REDIC1: variants seen among roughly 807,000 people sequenced by gnomAD.
The protein encoded by REDIC1 is HEI10 Interacting Protein 1.
At chr12:39,730,604 TTC>T in the REDIC1 span, among the ~76,000 whole-genome samples, 2 of 152,224 alleles carry the variant, frequency 1.3e-5, no homozygotes, top group Non-Finnish European at 2.9e-5. Context: ...TTTCCTTTAT[TTC>T]AACTTTGGTG....
chr12:39,877,284 A>C, the REDIC1 span, among the ~76,000 whole-genome samples: 7 of 152,186 alleles, frequency 4.6e-5, no homozygotes, highest in African/African-American at 7.2e-5. Context: ...AAAGGAGAGC[A>C]AAGGTATGTC....
chr12:39,693,358 A>T, the REDIC1 span, among the ~76,000 whole-genome samples: 1 of 151,552 alleles, frequency 6.6e-6, no homozygotes, highest in Admixed American at 6.6e-5. Context: ...AATATGTAAA[A>T]TACTAGTCTG....
the REDIC1 span, among the ~76,000 whole-genome samples, chr12:39,824,950 G>A: frequency 2.6e-5 from 4 of 152,178 alleles, no homozygotes; most frequent in African/African-American, 9.6e-5. Context: ...ATAGATATTA[G>A]GGTAATGACA....
At chr12:39,814,977 CT>C in the REDIC1 span, among the ~76,000 whole-genome samples, 68 of 146,444 alleles carry the variant, frequency 4.6e-4, no homozygotes, top group East Asian at 6.0e-4. Flanking sequence ...TCTTCTTACA[CT>C]TTTTTTTTTT....
the REDIC1 span, among the ~76,000 whole-genome samples, chr12:39,694,037 C>T: frequency 6.6e-6 from 1 of 152,194 alleles, no homozygotes; most frequent in Non-Finnish European, 1.5e-5. Flanking sequence ...GCGCTTCGCT[C>T]TGTGTGAAGT....
chr12:39,713,715 GC>G, the REDIC1 span, among the ~76,000 whole-genome samples: 1 of 145,260 alleles, frequency 6.9e-6, no homozygotes, highest in African/African-American at 2.7e-5. Context: ...ATTTATGTAT[GC>G]CTGTATACAT....
chr12:39,752,569 GAA>G, the REDIC1 span, among the ~76,000 whole-genome samples: 3 of 152,124 alleles, frequency 2.0e-5, no homozygotes, highest in Non-Finnish European at 4.4e-5. Flanking sequence ...TGAAGAAAAT[GAA>G]AGAGTGACTT....
chr12:39,869,876 T>G, the REDIC1 span, among the ~76,000 whole-genome samples: 67 of 152,342 alleles, frequency 4.4e-4, 1 homozygote, highest in South Asian at 0.013. Context: ...CCCTTTACTC[T>G]CTGTGTCAGG....
At chr12:39,748,189 C>T in the REDIC1 span, among the ~76,000 whole-genome samples, 7 of 152,104 alleles carry the variant, frequency 4.6e-5, no homozygotes, top group Admixed American at 1.3e-4. Context: ...ATCTCACATT[C>T]AGAGACACAC....
chr12:39,863,796 T>A, the REDIC1 span, among the ~76,000 whole-genome samples: 1 of 152,180 alleles, frequency 6.6e-6, no homozygotes, highest in African/African-American at 2.4e-5. Context: ...AACCAATATA[T>A]CTTCCTCACT....
chr12:39,677,051 T>C, the REDIC1 span, among the ~76,000 whole-genome samples: 7 of 149,514 alleles, frequency 4.7e-5, no homozygotes, highest in Non-Finnish European at 7.4e-5. Flanking sequence ...CACCAAGATA[T>C]CCAGGCAACA....
the REDIC1 span, among the ~76,000 whole-genome samples, chr12:39,836,197 G>A: frequency 6.6e-6 from 1 of 152,032 alleles, no homozygotes; most frequent in African/African-American, 2.4e-5. Context: ...TTTCTCAATT[G>A]TAGACACCTT....
At chr12:39,785,061 G>A in the REDIC1 span, among the ~76,000 whole-genome samples, 2 of 152,202 alleles carry the variant, frequency 1.3e-5, no homozygotes, top group Non-Finnish European at 2.9e-5. Flanking sequence ...ATTTTCTGGG[G>A]AGAAATTCAA....
At chr12:39,668,825 G>A in the REDIC1 span, among the ~76,000 whole-genome samples, 21 of 151,740 alleles carry the variant, frequency 1.4e-4, no homozygotes, top group Middle Eastern at 3.4e-3. Flanking sequence ...CACCAACACC[G>A]TTTTTTCCAG....
the REDIC1 span, among the ~76,000 whole-genome samples, chr12:39,837,936 T>C: frequency 6.6e-6 from 1 of 151,146 alleles, no homozygotes; most frequent in African/African-American, 2.4e-5. Flanking sequence ...AGTGTGGCGA[T>C]TCCTCAGGGA....
chr12:39,854,880 T>C, the REDIC1 span, among the ~76,000 whole-genome samples: 1 of 152,192 alleles, frequency 6.6e-6, no homozygotes, highest in Non-Finnish European at 1.5e-5. Context: ...TCCATTTTCA[T>C]TGGTCTGAGA....
the REDIC1 span, among the ~76,000 whole-genome samples, chr12:39,753,519 T>C: frequency 1.3e-5 from 2 of 152,254 alleles, no homozygotes; most frequent in East Asian, 1.9e-4. Flanking sequence ...GGAAAAGAGA[T>C]GGAGAAAGGA....
At chr12:39,853,984 G>A in the REDIC1 span, among the ~76,000 whole-genome samples, 1 of 151,904 alleles carries the variant, frequency 6.6e-6, no homozygotes, top group African/African-American at 2.4e-5. Context: ...AAATCCTAGT[G>A]TTTAAATACC....
chr12:39,689,511 A>G, the REDIC1 span, among the ~76,000 whole-genome samples: 1 of 152,182 alleles, frequency 6.6e-6, no homozygotes, highest in Admixed American at 6.5e-5. Context: ...TTGAGGTGAG[A>G]AGAGATGTTT....
Sources: allele counts gnomAD v4.1 joint callset (sites outside exome capture counted in the v4.1 genomes callset), GRCh38; gene constraint gnomAD v4.1.1; transcripts MANE v1.5; gene names NCBI Gene and HGNC (gene_info 2026-07-23, HGNC 2026-07-21).